FUBP1: variants seen among roughly 807,000 people sequenced by gnomAD.
FUBP1 encodes far upstream element binding protein 1.
Under a neutral mutation model 94.9 loss-of-function variants are expected in FUBP1, and 16 were observed. The ratio of observed to expected loss-of-function variants is 0.17; its 90% CI spans 0.11 to 0.26. The LOEUF (loss-of-function observed/expected upper bound fraction) is 0.26. Ranked by LOEUF, FUBP1 falls within the 10% of genes least tolerant of loss-of-function variation. The pLI is 1.00. For missense variants in FUBP1, 583 were observed against 808.6 expected, an observed-to-expected ratio of 0.72 and a Z score of 3.38; for synonymous variants, 279 against 254.9, an observed-to-expected ratio of 1.09 and a Z score of -0.90.
chr1:77,966,963 G>A lies in FUBP1; in HGVS notation c.344-8C>T. 14 of 1,471,510 alleles carry A rather than the reference G, an allele frequency of 9.5e-6. No individual in the cohort carries two copies. The highest frequency in any genetic ancestry group is 3.7e-5 in the Admixed American group (2 of 54,104). The allele number at this position is 1,471,510 out of a possible 1,614,324, so 91.2% of individuals were successfully genotyped here. A position where few individuals can be genotyped will look rare whatever the true frequency, so the allele number is the denominator to read the frequency against. On this transcript the variant is annotated splice_region_variant and splice_polypyrimidine_tract_variant and intron_variant, in intron 5 of 19. Coordinates refer to ENST00000370768, the MANE Select transcript of FUBP1 (RefSeq NM_003902.5). The stretch of plus-strand genomic sequence containing the variant: ...CACCTCCTCTGCCAATTACTAGTTA[G>A]AAAAAAAAAAATTTTTTTTTTGGTT...
rs1369040190 is a variant in FUBP1 at position 77,978,959 on chromosome 1, C to G, written c.46G>C (p.Gly16Arg). ...CCACCACCGCCGCCACCACCGCCAC[C>G]AGCTGAGCCAGAAGAGGGGGGAGGC... ...TVPPPSSGSA[G>R]GGGGGGGGGG... The change falls in exon 1 of 20, where the codon GGT (glycine) becomes CGT (arginine). Residue 16 changes from glycine (G) to arginine (R), a missense_variant. By Grantham distance (125) the Gly-to-Arg change is moderately radical. Coordinates refer to ENST00000370768, the MANE Select transcript of FUBP1 (RefSeq NM_003902.5). 6.2e-7 allele frequency: 1 copy of G among 1,613,716 alleles called. No homozygotes were observed. The highest frequency in any genetic ancestry group is 8.5e-7 in the Non-Finnish European group (1 of 1,179,834).
Position 77,948,139 on chromosome 1 carries a change from T to C in FUBP1, c.*627A>G. ...AATGCAATGGAAGTATGCCAAAAGATCATTGTACACACATGCAGTTTTTAA... is the reference window on the plus strand; with the variant it reads ...AATGCAATGGAAGTATGCCAAAAGACCATTGTACACACATGCAGTTTTTAA... On this transcript the variant is annotated 3_prime_UTR_variant, in exon 20 of 20. Coordinates refer to ENST00000370768, the MANE Select transcript of FUBP1 (RefSeq NM_003902.5). 2 of 1,039,670 alleles carry C rather than the reference T, an allele frequency of 1.9e-6. No individual in the cohort carries two copies. The highest frequency in any genetic ancestry group is 2.3e-6 in the Non-Finnish European group (2 of 862,870). 64.4% of individuals were successfully genotyped at this position (1,039,670 alleles called of 1,614,324 possible). A position where few individuals can be genotyped will look rare whatever the true frequency, so the allele number is the denominator to read the frequency against.
At chr1:77,958,406 A>G (rs1654863416) in intron 16 of FUBP1, among the ~76,000 whole-genome samples, 1 of 152,252 alleles carries the variant, frequency 6.6e-6, no homozygotes, top group Non-Finnish European at 1.5e-5. Context: ...TTGACTCTGA[A>G]GTCTAAATTC....
At chr1:77,970,680 T>C (rs935365264) in intron 1 of FUBP1, among the ~76,000 whole-genome samples, 4 of 152,160 alleles carry the variant, frequency 2.6e-5, no homozygotes, top group African/African-American at 9.7e-5. Flanking sequence ...TGCAAAACCA[T>C]AATTCTTAGA....
At chr1:77,967,027 C>CT in intron 5 of FUBP1, 22 bp downstream of exon 5, 1 of 1,569,168 alleles carries the variant, frequency 6.4e-7, no homozygotes, top group Non-Finnish European at 8.8e-7. Flanking sequence ...GTTTTCAAAA[C>CT]TTTAAAAATC....
In FUBP1 at chr1:77,966,911, A is replaced by G. The variant is rs1656612231; in HGVS notation, c.388T>C (p.Ser130Pro). ...GGAGCTATCTGTATTTTGCATCCAG[A>G]TTCCTGTTGTATGCGTGAGATCTGT... The part of the protein sequence containing the change: ...GEQISRIQQE[S>P]GCKIQIAPDS... The change falls in exon 6 of 20, where the codon TCT becomes CCT. Residue 130 changes from serine (S) to proline (P), a missense_variant. Transcript: ENST00000370768. 6.2e-7 allele frequency: 1 copy of G among 1,603,900 alleles called. No homozygotes were observed. The highest frequency in any genetic ancestry group is 8.5e-7 in the Non-Finnish European group (1 of 1,171,258).
intron 1 of FUBP1, among the ~76,000 whole-genome samples, chr1:77,970,842 C>T (rs551224159): frequency 6.6e-6 from 1 of 152,032 alleles, no homozygotes; most frequent in African/African-American, 2.4e-5. Context: ...CTCAGGAGTT[C>T]GAGAGCAGCC....
chr1:77,960,688 A>T (rs532043025), intron 14 of FUBP1, 193 bp from the exon 15 acceptor site: 1 of 488,310 alleles, frequency 2.0e-6, no homozygotes, highest in East Asian at 3.6e-5. Context: ...AAATTCACTA[A>T]AATCAATAGC....
At position 77,947,005 on chromosome 1, in the gene FUBP1, C is replaced by A; in HGVS notation, c.*1761G>T. Reference sequence around the variant, plus strand: ...CTCTTCCTTTAAAGTATATTCAAAACAACAAATGGTGCTCTCCACCAATGA... The same window carrying A: ...CTCTTCCTTTAAAGTATATTCAAAAAAACAAATGGTGCTCTCCACCAATGA... On this transcript the variant is annotated 3_prime_UTR_variant, in exon 20 of 20. Transcript: ENST00000370768. 4.8e-6 allele frequency: 1 copy of A among 208,672 alleles called. No homozygotes were observed. Among genetic ancestry groups the A allele is most frequent in the African/African-American group, 2.3e-5 (1 of 44,078 alleles). The allele number at this position is 208,672 out of a possible 1,614,324, so 12.9% of individuals were successfully genotyped here.
chr1:77,949,197 C>T lies in FUBP1; in HGVS notation c.1884G>A (p.Gln628=), dbSNP rs200421915. 6.2e-7 allele frequency: 1 copy of T among 1,613,712 alleles called. No homozygotes were observed. Among genetic ancestry groups the T allele is most frequent in the Non-Finnish European group, 8.5e-7 (1 of 1,179,688 alleles). The stretch of plus-strand genomic sequence containing the variant: ...GCTGTGGCATTCCCTGGGGACTTGT[C>T]TGGGCATAATAGGCTGCTTGTTGTC... ...YYRQQAAYYA[Q]TSPQGMPQHP... Residue 628 remains glutamine (Q), a synonymous_variant, in exon 19 of 20, where the codon CAG becomes CAA. Transcript: ENST00000370768.
At chr1:77,950,000 A>C (rs1389062217) in intron 18 of FUBP1, among the ~76,000 whole-genome samples, 5 of 152,246 alleles carry the variant, frequency 3.3e-5, no homozygotes, top group Admixed American at 1.3e-4. Flanking sequence ...CTTTTTCCAA[A>C]TAAGGTGACT....
At position 77,974,267 on chromosome 1, in the gene FUBP1, C is replaced by T. The variant is rs188371046; in HGVS notation, c.121-4252G>A. 2.7e-3 allele frequency among the ~76,000 whole-genome samples: 405 copies of T among 151,712 alleles called. 8 individuals are homozygous for T. Among genetic ancestry groups the T allele is most frequent in the South Asian group, 1.7e-3 (8 of 4,814 alleles). On this transcript the variant is annotated intron_variant, in intron 1 of 19. Coordinates refer to ENST00000370768, the MANE Select transcript of FUBP1 (RefSeq NM_003902.5). ...TCTCCTGCCTCAGTCTCCTGAGTAG[C>T]TGGGACTACAGGCGCCCACTACTCC...
chr1:77,960,605 AT>A, intron 14 of FUBP1, 110 bp from the exon 15 acceptor site: 1 of 866,536 alleles, frequency 1.2e-6, no homozygotes, highest in South Asian at 2.1e-5. Context: ...CAAATAACAA[AT>A]TTTAGGTTTT....
At chr1:77,968,079 CT>C in intron 3 of FUBP1, 85 bp downstream of exon 3, 1 of 841,914 alleles carries the variant, frequency 1.2e-6, no homozygotes, top group Non-Finnish European at 1.9e-6. Flanking sequence ...AACCAACTAA[CT>C]TCAAAGATAC....
Position 77,947,444 on chromosome 1 carries a change from T to G in FUBP1, c.*1322A>C, listed in dbSNP as rs2102218746. 1 of 759,912 alleles carries G rather than the reference T, an allele frequency of 1.3e-6. No homozygotes were observed. The highest frequency in any genetic ancestry group is 1.7e-5 in the African/African-American group (1 of 57,438). The allele number at this position is 759,912 out of a possible 1,614,324, so 47.1% of individuals were successfully genotyped here. On this transcript the variant is annotated 3_prime_UTR_variant, in exon 20 of 20. Coordinates refer to ENST00000370768, the MANE Select transcript of FUBP1 (RefSeq NM_003902.5). The stretch of plus-strand genomic sequence containing the variant: ...GCAGTTCATCAATTTGTCATTCTGA[T>G]GTACTTACAGTGCAATGCTCCTTGA...
chr1:77,960,132 A>G, intron 16 of FUBP1, 52 bp downstream of exon 16: 1 of 1,252,732 alleles, frequency 8.0e-7, no homozygotes, highest in South Asian at 1.2e-5. Flanking sequence ...TTAATAATGT[A>G]ACAGGAGTGG....
rs973953215 is a variant in FUBP1 at position 77,945,308 on chromosome 1, C to G, written c.*3458G>C. On this transcript the variant is annotated 3_prime_UTR_variant, in exon 20 of 20. Transcript: ENST00000370768. The stretch of plus-strand genomic sequence containing the variant: ...ATCAATTGTACATACCTATCATTGA[C>G]TATTAAAACATAACATACACATAAA... Among the ~76,000 whole-genome samples the G allele has an allele frequency of 3.3e-5, 5 of 151,818 alleles. No homozygotes were observed. Among genetic ancestry groups the G allele is most frequent in the African/African-American group, 1.2e-4 (5 of 41,356 alleles).
At chr1:77,965,353 T>C (rs969978793) in intron 7 of FUBP1, 122 bp from the exon 8 acceptor site, 3 of 508,598 alleles carry the variant, frequency 5.9e-6, no homozygotes, top group Non-Finnish European at 1.0e-5. Flanking sequence ...GGTGCCTTGA[T>C]GCTAACTTTA....
intron 6 of FUBP1, 25 bp from the exon 7 acceptor site, chr1:77,966,776 C>T (rs377491272): frequency 5.4e-6 from 8 of 1,474,328 alleles, no homozygotes; most frequent in Admixed American, 3.4e-5. Flanking sequence ...AAACAGATAA[C>T]TTCAGGTCAA....
Sources: gnomAD v4.1 joint callset for allele counts (sites outside exome capture counted in the v4.1 genomes callset) on GRCh38, gnomAD v4.1.1 for gene constraint, MANE v1.5 for transcripts, NCBI Gene and HGNC (gene_info 2026-07-23, HGNC 2026-07-21) for gene names.